The following ANTXRL variants were observed in gnomAD, a reference collection of about 807,000 sequenced individuals.
ANTXRL encodes the protein ANTXR like, also known as anthrax toxin receptor-like.
ANTXRL carries 63 observed loss-of-function variants against 75.4 expected under a neutral mutation model. The ratio of observed to expected loss-of-function variants is 0.84; its 90% CI spans 0.68 to 1.03. ANTXRL has a LOEUF of 1.03. Ranked by LOEUF, ANTXRL falls within the 50% of genes least tolerant of loss-of-function variation. ANTXRL has a pLI of 0.00. For synonymous variants in ANTXRL, 335 were observed against 291.3 expected, an observed-to-expected ratio of 1.15 and a Z score of -1.53; for missense variants, 797 against 789.4, an observed-to-expected ratio of 1.01 and a Z score of -0.12.
chr10:46,299,500 C>T (rs1383051383), intron 9 of ANTXRL, among the ~76,000 whole-genome samples: 35 of 152,068 alleles, frequency 2.3e-4, no homozygotes, highest in African/African-American at 5.8e-4. Flanking sequence ...TGCACAACTG[C>T]GGCTGCTGGA....
intron 1 of ANTXRL, among the ~76,000 whole-genome samples, chr10:46,289,122 C>T (rs558699786): frequency 6.6e-6 from 1 of 152,280 alleles, no homozygotes; most frequent in East Asian, 1.9e-4. Context: ...CATCTACTGC[C>T]TGCAGGCAGG....
At position 46,287,106 on chromosome 10, in the gene ANTXRL, C is replaced by G; in HGVS notation, c.-157C>G. 1 of 959,054 alleles carries G rather than the reference C, an allele frequency of 1.0e-6. No homozygotes were observed. Among genetic ancestry groups the G allele is most frequent in the Non-Finnish European group, 1.5e-6 (1 of 665,692 alleles). The allele number at this position is 959,054 out of a possible 1,614,324, so 59.4% of individuals were successfully genotyped here. A position where few individuals can be genotyped will look rare whatever the true frequency, so the allele number is the denominator to read the frequency against. On this transcript the variant is annotated 5_prime_UTR_variant, in exon 1 of 17. Transcript: ENST00000620264. ...TAGTCCCTGCGATCTGGGGAGGTACCTGGTGGAGGGCCATAGTGTGCACTG... is the reference window on the plus strand; with the variant it reads ...TAGTCCCTGCGATCTGGGGAGGTACGTGGTGGAGGGCCATAGTGTGCACTG...
At chr10:46,294,470 A>G (rs1195183066) in intron 3 of ANTXRL, among the ~76,000 whole-genome samples, 1 of 152,140 alleles carries the variant, frequency 6.6e-6, no homozygotes, top group African/African-American at 2.4e-5. Flanking sequence ...CAGGCCCAGC[A>G]GGGAGCACAG....
intron 16 of ANTXRL, among the ~76,000 whole-genome samples, chr10:46,318,548 T>A (rs1269032248): frequency 2.0e-5 from 3 of 152,136 alleles, no homozygotes; most frequent in Non-Finnish European, 2.9e-5. Flanking sequence ...AAATTTTTAA[T>A]ACAGAAAAGC....
intron 16 of ANTXRL, among the ~76,000 whole-genome samples, chr10:46,316,368 G>A (rs1328376211): frequency 9.9e-5 from 15 of 152,080 alleles, no homozygotes; most frequent in African/African-American, 3.6e-4. Flanking sequence ...TAACTCTATT[G>A]TGGGGAGGAA....
At chr10:46,314,552 T>A (rs1251362161) in intron 16 of ANTXRL, among the ~76,000 whole-genome samples, 3 of 151,934 alleles carry the variant, frequency 2.0e-5, no homozygotes, top group Admixed American at 2.0e-4. Flanking sequence ...ATGGCCTTAC[T>A]GTCCAGTGTG....
chr10:46,287,618 G>A, intron 1 of ANTXRL, 108 bp downstream of exon 1: 2 of 1,419,240 alleles, frequency 1.4e-6, no homozygotes, highest in South Asian at 3.0e-5. Context: ...CGTCACAGAA[G>A]CAGGGCCAAA....
intron 16 of ANTXRL, among the ~76,000 whole-genome samples, chr10:46,329,259 TA>T (rs1295481922): frequency 1.3e-5 from 2 of 152,086 alleles, no homozygotes; most frequent in Non-Finnish European, 2.9e-5. Context: ...ACATGCTCAC[TA>T]GAGCCTTCTG....
Position 46,287,085 on chromosome 10 carries a change from C to T in ANTXRL, c.-178C>T, listed in dbSNP as rs1554955354. ...CCCAGAGCCAGCTGCTGACCCTAGTCCCTGCGATCTGGGGAGGTACCTGGT... is the reference window on the plus strand; with the variant it reads ...CCCAGAGCCAGCTGCTGACCCTAGTTCCTGCGATCTGGGGAGGTACCTGGT... On this transcript the variant is annotated 5_prime_UTR_variant, in exon 1 of 17. Transcript: ENST00000620264. The T allele has an allele frequency of 3.8e-6, 3 of 790,526 alleles. No homozygotes were observed. Among genetic ancestry groups the T allele is most frequent in the Non-Finnish European group, 5.8e-6 (3 of 512,946 alleles). 49.0% of individuals were successfully genotyped at this position (790,526 alleles called of 1,614,324 possible). A position where few individuals can be genotyped will look rare whatever the true frequency, so the allele number is the denominator to read the frequency against.
chr10:46,312,138 C>G (rs1838465890), intron 15 of ANTXRL, among the ~76,000 whole-genome samples: 1 of 149,972 alleles, frequency 6.7e-6, no homozygotes. Context: ...TGCAAGGATG[C>G]CAGGGGCACC....
At chr10:46,302,593 A>G (rs1837820727) in intron 9 of ANTXRL, 129 bp from the exon 10 acceptor site, 1 of 664,656 alleles carries the variant, frequency 1.5e-6, no homozygotes, top group Admixed American at 2.5e-5. Flanking sequence ...GTTGGTTCAG[A>G]CACAGCTCTT....
intron 10 of ANTXRL, among the ~76,000 whole-genome samples, chr10:46,306,132 C>G (rs1264462859): frequency 6.6e-6 from 1 of 152,226 alleles, no homozygotes; most frequent in Non-Finnish European, 1.5e-5. Context: ...GCCACTCTCT[C>G]AGCCCCAAGC....
At chr10:46,316,644 C>T (rs1442072509) in intron 16 of ANTXRL, among the ~76,000 whole-genome samples, 3 of 152,110 alleles carry the variant, frequency 2.0e-5, no homozygotes, top group African/African-American at 7.2e-5. Flanking sequence ...GAGTCAGGTT[C>T]CACCCCATGT....
At chr10:46,292,242 G>A in intron 2 of ANTXRL, 113 bp downstream of exon 2, 2 of 969,172 alleles carry the variant, frequency 2.1e-6, no homozygotes, top group Non-Finnish European at 3.1e-6. Flanking sequence ...CTTCAGTGGG[G>A]GACACAGAGC....
rs1837367594 is a variant in ANTXRL, at chr10:46,296,218, G to A, written c.475-1G>A. The A allele has an allele frequency of 1.3e-6, 2 of 1,535,718 alleles. No individual in the cohort carries two copies. Among genetic ancestry groups the A allele is most frequent in the African/African-American group, 2.7e-5 (2 of 72,990 alleles). ...CTCAATATTTCTTCATTTTCTTGCA[G>A]GCAATTCAACAGATCGAAAGTTTCA... is the stretch of plus-strand genomic sequence containing the variant. On this transcript the variant is annotated splice_acceptor_variant, in intron 4 of 16. Coordinates refer to ENST00000620264, the MANE Select transcript of ANTXRL (RefSeq NM_001278688.3). LOFTEE classifies it high-confidence loss of function.
chr10:46,304,102 T>G (rs1398509024), intron 10 of ANTXRL, among the ~76,000 whole-genome samples: 2 of 152,154 alleles, frequency 1.3e-5, no homozygotes, highest in Non-Finnish European at 2.9e-5. Flanking sequence ...TTCATTGGGT[T>G]ATACTTTCTT....
intron 16 of ANTXRL, among the ~76,000 whole-genome samples, chr10:46,327,597 G>A (rs1839286254): frequency 6.6e-6 from 1 of 152,076 alleles, no homozygotes; most frequent in South Asian, 2.1e-4. Flanking sequence ...GGGCCTAGAT[G>A]GGAGAAGGGC....
chr10:46,299,993 G>A (rs1482145652), intron 9 of ANTXRL, among the ~76,000 whole-genome samples: 3 of 152,192 alleles, frequency 2.0e-5, no homozygotes, highest in Non-Finnish European at 4.4e-5. Flanking sequence ...CGGCTCAGCC[G>A]TGCAGCCAGT....
chr10:46,328,523 T>A (rs1344478301), intron 16 of ANTXRL, among the ~76,000 whole-genome samples: 1 of 152,074 alleles, frequency 6.6e-6, no homozygotes, highest in Non-Finnish European at 1.5e-5. Flanking sequence ...GTCCAACAAT[T>A]CCTATTTATA....
Sources: gnomAD v4.1 joint callset for allele counts (sites outside exome capture counted in the v4.1 genomes callset) on GRCh38, gnomAD v4.1.1 for gene constraint, MANE v1.5 for transcripts, NCBI Gene and HGNC (gene_info 2026-07-23, HGNC 2026-07-21) for gene names.